Variants in UXS1 observed in about 807,000 individuals in gnomAD.
UXS1 encodes UDP-glucuronate decarboxylase 1.
A neutral mutation model predicts 62.6 loss-of-function variants in UXS1; 33 were observed. That is an observed-to-expected ratio of 0.53 (90% confidence interval 0.40 to 0.70). The LOEUF (loss-of-function observed/expected upper bound fraction) is 0.70, where lower values mean the gene tolerates loss of function less well. Among genes scored for constraint, UXS1 ranks in the 30% least tolerant of loss-of-function variants. UXS1 has a pLI of 0.00. For missense variants in UXS1, 434 were observed against 556.3 expected, an observed-to-expected ratio of 0.78 and a Z score of 2.21; for synonymous variants, 213 against 206.8, an observed-to-expected ratio of 1.03 and a Z score of -0.26.
Position 106,141,427 on chromosome 2 carries a change from T to A in UXS1, c.472+3763A>T, listed in dbSNP as rs1029561425. 2.0e-5 allele frequency among the ~76,000 whole-genome samples: 3 copies of A among 152,366 alleles called. No individual in the cohort carries two copies. The East Asian group carries it at 5.8e-4, about 29-fold the overall frequency. On this transcript the variant is annotated intron_variant, in intron 6 of 14. Coordinates refer to ENST00000283148, the MANE Select transcript of UXS1 (RefSeq NM_001253875.2). ...AGCTGAGAACTGGCAAGAGGAAGAC[T>A]TTAACTTTACAGTTTTATCTTTTCC...
rs1685124500 is a variant in UXS1 at position 106,194,199 on chromosome 2, G to A, written c.43C>T (p.Arg15Cys). 5 of 1,476,700 alleles carry A rather than the reference G, an allele frequency of 3.4e-6. No homozygotes were observed. Among genetic ancestry groups the A allele is most frequent in the Middle Eastern group, 1.9e-4 (1 of 5,322 alleles). The allele number at this position is 1,476,700 out of a possible 1,614,324, so 91.5% of individuals were successfully genotyped here. A position where few individuals can be genotyped will look rare whatever the true frequency, so the allele number is the denominator to read the frequency against. The change falls in exon 1 of 15, where the codon CGC (arginine) becomes TGC (cysteine). Residue 15 changes from arginine (R) to cysteine (C), a missense_variant. Physicochemically the swap from Arg to Cys is radical, Grantham distance 180. Around this residue, in one of 3 missense-constraint regions of UXS1, gnomAD observed 91 missense variants for 71.1 expected, o/e 1.28. Transcript: ENST00000283148. ...ALLRLVSAVNRRRMKLLLGIA... is the reference protein window; with the variant it reads ...ALLRLVSAVNCRRMKLLLGIA... ...CCCAGCAGCAGCTTCATCCTCCTGC[G>A]GTTGACGGCAGACACGAGGCGCAGC...
At chr2:106,162,693 T>C (rs1271709604) in intron 4 of UXS1, among the ~76,000 whole-genome samples, 1 of 152,244 alleles carries the variant, frequency 6.6e-6, no homozygotes. Context: ...AACCTTATAT[T>C]ACTAAGGAAT....
intron 13 of UXS1, among the ~76,000 whole-genome samples, chr2:106,097,982 G>A (rs956977193): frequency 1.3e-5 from 2 of 152,240 alleles, no homozygotes; most frequent in African/African-American, 4.8e-5. Context: ...ATGCCAGGAA[G>A]GGCACACTGG....
At chr2:106,143,371 T>C (rs1024370152) in intron 6 of UXS1, among the ~76,000 whole-genome samples, 5 of 114,326 alleles carry the variant, frequency 4.4e-5, no homozygotes, top group Admixed American at 2.8e-4. Flanking sequence ...ATCGTGCCAC[T>C]GCACTCCAGC....
rs76583309 is a variant in UXS1, at chr2:106,153,268, C to T, written c.291+4790G>A. On this transcript the variant is annotated intron_variant, in intron 5 of 14. Transcript: ENST00000283148. Reference sequence around the variant, plus strand: ...AATTTAACTGGATCAGGCTGAAGAGCAATTTAAAACCCACAGCATTGTTGA... The same window carrying T: ...AATTTAACTGGATCAGGCTGAAGAGTAATTTAAAACCCACAGCATTGTTGA... 3.5e-3 allele frequency among the ~76,000 whole-genome samples: 537 copies of T among 152,304 alleles called. 4 individuals carry two copies. The highest frequency in any genetic ancestry group is 0.012 in the African/African-American group (505 of 41,568).
Position 106,171,689 on chromosome 2 carries a change from T to C in UXS1, c.95-5606A>G, listed in dbSNP as rs555963342. Among the ~76,000 whole-genome samples, 12 of 152,368 alleles carry C rather than the reference T, an allele frequency of 7.9e-5. No homozygotes were observed. The East Asian group carries it at 2.1e-3, about 27-fold the overall frequency. ...ATTTCAATGGCCCTATTTCAAGTAATGTTACAAGGCTGGATCAGGCAAAAT... is the reference window on the plus strand; with the variant it reads ...ATTTCAATGGCCCTATTTCAAGTAACGTTACAAGGCTGGATCAGGCAAAAT... On this transcript the variant is annotated intron_variant, in intron 1 of 14. Coordinates refer to ENST00000283148, the MANE Select transcript of UXS1 (RefSeq NM_001253875.2).
chr2:106,163,748 AAC>A, intron 3 of UXS1, 38 bp from the exon 4 acceptor site: 1 of 1,355,610 alleles, frequency 7.4e-7, no homozygotes, highest in Non-Finnish European at 9.8e-7. Context: ...TTAAAGCAAA[AAC>A]ACAGTTCTCA....
intron 5 of UXS1, among the ~76,000 whole-genome samples, chr2:106,150,301 AGACAATTGACCCTTT>A (rs1681907284): frequency 6.6e-6 from 1 of 152,250 alleles, no homozygotes; most frequent in South Asian, 2.1e-4. Flanking sequence ...GCAAGAGTGC[AGACAATTGACCCTTT>A]GATACACAGA....
At chr2:106,161,485 T>C (rs1188583680) in intron 4 of UXS1, among the ~76,000 whole-genome samples, 1 of 151,700 alleles carries the variant, frequency 6.6e-6, no homozygotes, top group East Asian at 1.9e-4. Context: ...TTAAGCTCCG[T>C]TCTACACTAG....
chr2:106,116,574 G>A (rs1018175486), intron 9 of UXS1, among the ~76,000 whole-genome samples: 2 of 152,166 alleles, frequency 1.3e-5, no homozygotes, highest in Admixed American at 6.5e-5. Flanking sequence ...CACTGTCCTT[G>A]GACTAGTTCA....
intron 7 of UXS1, among the ~76,000 whole-genome samples, chr2:106,127,268 T>C (rs1573463100): frequency 6.6e-6 from 1 of 152,158 alleles, no homozygotes; most frequent in Non-Finnish European, 1.5e-5. Flanking sequence ...AAGAATACAA[T>C]TACTGAGTCT....
At chr2:106,127,408 C>T (rs1680050463) in intron 7 of UXS1, among the ~76,000 whole-genome samples, 1 of 152,186 alleles carries the variant, frequency 6.6e-6, no homozygotes, top group Non-Finnish European at 1.5e-5. Context: ...GTCACAAACA[C>T]ACATCACAAA....
intron 10 of UXS1, among the ~76,000 whole-genome samples, chr2:106,106,995 C>G (rs910665721): frequency 6.6e-6 from 1 of 150,888 alleles, no homozygotes; most frequent in Non-Finnish European, 1.5e-5. Flanking sequence ...ATTTTTTTTT[C>G]TTTTTTCAAA....
chr2:106,109,740 C>A (rs1027331272), intron 10 of UXS1, among the ~76,000 whole-genome samples: 1 of 152,186 alleles, frequency 6.6e-6, no homozygotes. Flanking sequence ...GAGTCCTCAT[C>A]ACAGGCATCT....
intron 5 of UXS1, among the ~76,000 whole-genome samples, chr2:106,146,042 T>TAATA (rs1238496220): frequency 6.6e-6 from 1 of 152,302 alleles, no homozygotes; most frequent in East Asian, 1.9e-4. Context: ...GGTAACTCAG[T>TAATA]AATAACAAAA....
intron 8 of UXS1, among the ~76,000 whole-genome samples, chr2:106,123,858 C>G (rs926556229): frequency 6.6e-6 from 1 of 152,106 alleles, no homozygotes; most frequent in Non-Finnish European, 1.5e-5. Flanking sequence ...GTCTTTGCCA[C>G]GAAATCTGGA....
rs558942425 is a variant in UXS1 at position 106,114,023 on chromosome 2, G to A, written c.760-1258C>T. 1.3e-4 allele frequency among the ~76,000 whole-genome samples: 20 copies of A among 152,302 alleles called. 1 individual carries two copies. The highest frequency in any genetic ancestry group is 4.6e-4 in the African/African-American group (19 of 41,568). ...ATCCAATGAACCCTTAGCTAACAAG[G>A]CTTACTTAGCACAGAATTTCTCCAC... is the stretch of plus-strand genomic sequence containing the variant. On this transcript the variant is annotated intron_variant, in intron 9 of 14. Transcript: ENST00000283148.
At chr2:106,094,938 T>C (rs1676953782) in intron 14 of UXS1, among the ~76,000 whole-genome samples, 2 of 152,344 alleles carry the variant, frequency 1.3e-5, no homozygotes, top group South Asian at 4.1e-4. Context: ...AGTGTGCAGT[T>C]TGCCAATTAT....
chr2:106,185,891 G>A (rs1684520185), intron 1 of UXS1, among the ~76,000 whole-genome samples: 1 of 152,128 alleles, frequency 6.6e-6, no homozygotes, highest in Non-Finnish European at 1.5e-5. Context: ...GCATTCCGAG[G>A]GAGCTCAGCC....
Sources: allele counts gnomAD v4.1 joint callset (sites outside exome capture counted in the v4.1 genomes callset), GRCh38; gene constraint gnomAD v4.1.1; regional missense constraint gnomAD v4.1.1; transcripts MANE v1.5; gene names NCBI Gene and HGNC (gene_info 2026-07-23, HGNC 2026-07-21).